The following LMO7 variants were observed in gnomAD, a reference collection of about 807,000 sequenced individuals.
LMO7 encodes the protein LIM domain 7, also known as LIM domain only protein 7.
Under a neutral mutation model 206.5 loss-of-function variants are expected in LMO7, and 120 were observed. That is an observed-to-expected ratio of 0.58 (90% confidence interval 0.50 to 0.68). The LOEUF is 0.68. LMO7 is among the 30% of genes least tolerant of loss of function. LMO7 has a pLI of 0.00. For synonymous variants in LMO7, 706 were observed against 681.5 expected (o/e 1.04, Z -0.56); for missense variants, 1,959 against 1,957.9 (o/e 1.00, Z -0.01).
chr13:75,751,072 G>A (rs182255668), intron 3 of LMO7, among the ~76,000 whole-genome samples: 2 of 151,144 alleles, frequency 1.3e-5, no homozygotes, highest in East Asian at 3.9e-4. Flanking sequence ...TAAATAGAAA[G>A]GAGTCGAGGT....
chr13:75,634,391 T>C (rs1226739176), upstream of LMO7, among the ~76,000 whole-genome samples: 2 of 151,448 alleles, frequency 1.3e-5, no homozygotes, highest in Non-Finnish European at 2.9e-5. Context: ...GGAGCTATGA[T>C]GGCGCAACTG....
At position 75,809,170 on chromosome 13, in the gene LMO7, T is replaced by A; in HGVS notation, c.1933T>A (p.Tyr645Asn). The change falls in exon 11 of 31, where the codon TAT becomes AAT. Residue 645 changes from tyrosine (Y) to asparagine (N), a missense_variant. Physicochemically the swap from Tyr to Asn is moderately radical, Grantham distance 143 (BLOSUM62 -2). Coordinates refer to ENST00000377534, the MANE Select transcript of LMO7 (RefSeq NM_001306080.2). ...LMVERLFQKI[Y>N]GENGSKSMSD... ...GTTTCTTAGACTCTTTCAAAAGATT[T>A]ATGGTGAGAATGGGTAAGTTGTGTG... is the stretch of plus-strand genomic sequence containing the variant. The A allele has an allele frequency of 6.2e-7, 1 of 1,612,694 alleles. No homozygotes were observed. The highest frequency in any genetic ancestry group is 8.5e-7 in the Non-Finnish European group (1 of 1,178,942).
chr13:75,710,127 C>A (rs1463133778), intron 1 of LMO7, among the ~76,000 whole-genome samples: 1 of 152,092 alleles, frequency 6.6e-6, no homozygotes, highest in East Asian at 1.9e-4. Context: ...GGCATTATTT[C>A]TGAGGGCTCT....
Position 75,838,176 on chromosome 13 carries a change from G to T in LMO7, c.3431G>T (p.Arg1144Leu). The T allele has an allele frequency of 6.2e-7, 1 of 1,606,664 alleles. No homozygotes were observed. The highest frequency in any genetic ancestry group is 8.5e-7 in the Non-Finnish European group (1 of 1,173,888). The change falls in exon 20 of 31, where the codon CGA becomes CTA. Residue 1144 changes from arginine (R) to leucine (L), a missense_variant. Arg to Leu is a moderately radical substitution (Grantham distance 102). Transcript: ENST00000377534. ...ESISLKNLKRRSQFFEQGSSD... is the reference protein window; with the variant it reads ...ESISLKNLKRLSQFFEQGSSD... The stretch of plus-strand genomic sequence containing the variant: ...ATTTCTTTGAAAAACTTAAAAAGGC[G>T]ATCACAATTTTTTGAACAAGGTAAA...
chr13:75,838,414 T>A (rs1348326211), intron 20 of LMO7: 3 of 1,275,824 alleles, frequency 2.4e-6, no homozygotes, highest in Non-Finnish European at 1.1e-6. Context: ...GTGTCCTTTG[T>A]ATACCTCTAA....
intron 4 of LMO7, among the ~76,000 whole-genome samples, chr13:75,771,906 C>CAGGATTTCCCAG (rs6145128): frequency 2.0e-5 from 3 of 151,980 alleles, no homozygotes; most frequent in Non-Finnish European, 2.9e-5. Context: ...ACTTCAGTAG[C>CAGGATTTCCCAG]AATCCTGCTA....
intron 1 of LMO7, among the ~76,000 whole-genome samples, chr13:75,703,802 AC>A (rs2042457937): frequency 6.6e-6 from 1 of 152,120 alleles, no homozygotes; most frequent in African/African-American, 2.4e-5. Flanking sequence ...GGCTTCTCTG[AC>A]ATCATGAATG....
intron 2 of LMO7, among the ~76,000 whole-genome samples, chr13:75,718,312 T>C (rs1182957694): frequency 6.6e-6 from 1 of 152,204 alleles, no homozygotes; most frequent in Non-Finnish European, 1.5e-5. Context: ...TTTTTAATAT[T>C]GTGGCCTTAA....
At position 75,847,166 on chromosome 13, in the gene LMO7, A is replaced by G. The variant is rs534091416; in HGVS notation, c.4150+1787A>G. On this transcript the variant is annotated intron_variant, in intron 26 of 30. Transcript: ENST00000377534. ...TGCTTAGTGGAAGATGAACCAAGGC[A>G]TAGACAAACAATAAATTTTGAAAGA... 7.9e-5 allele frequency among the ~76,000 whole-genome samples: 12 copies of G among 152,338 alleles called. No individual in the cohort carries two copies. The South Asian group carries it at 2.5e-3, about 32-fold the overall frequency.
rs2057823973 is a variant in LMO7 at position 75,823,687 on chromosome 13, G to A, written c.2763G>A (p.Gln921=). The part of the protein sequence containing the change: ...ASQLASSLSS[Q]KEVAATEEDV... Reference sequence around the variant, plus strand: ...AACTGGCTTCAAGCTTATCTAGCCAGAAAGAGGTAGCAGCAACAGAAGAAG... The same window carrying A: ...AACTGGCTTCAAGCTTATCTAGCCAAAAAGAGGTAGCAGCAACAGAAGAAG... Residue 921 remains glutamine (Q), a synonymous_variant, in exon 15 of 31, where the codon CAG becomes CAA. Coordinates refer to ENST00000377534, the MANE Select transcript of LMO7 (RefSeq NM_001306080.2). 1 of 1,614,180 alleles carries A rather than the reference G, an allele frequency of 6.2e-7. No individual in the cohort carries two copies.
At position 75,855,240 on chromosome 13, in the gene LMO7, C is replaced by T. The variant is rs779406145; in HGVS notation, c.4662-20C>T. ...GCTGCCCAGGTGAAAGCCTCCATTCCATTCTTGTTCTGCATCTAGGTCAGT... is the reference window on the plus strand; with the variant it reads ...GCTGCCCAGGTGAAAGCCTCCATTCTATTCTTGTTCTGCATCTAGGTCAGT... On this transcript the variant is annotated intron_variant, in intron 28 of 30. Transcript: ENST00000377534. The T allele has an allele frequency of 6.6e-7, 1 of 1,514,286 alleles. No individual in the cohort carries two copies. Among genetic ancestry groups the T allele is most frequent in the Admixed American group, 1.7e-5 (1 of 59,262 alleles). 93.8% of individuals were successfully genotyped at this position (1,514,286 alleles called of 1,614,324 possible).
At chr13:75,714,411 G>A (rs1488499909) in intron 2 of LMO7, among the ~76,000 whole-genome samples, 1 of 152,172 alleles carries the variant, frequency 6.6e-6, no homozygotes, top group Non-Finnish European at 1.5e-5. Flanking sequence ...TGATGGGCAT[G>A]TAAATAACAG....
intron 25 of LMO7, 87 bp downstream of exon 25, chr13:75,843,003 C>A (rs1176796929): frequency 4.7e-6 from 4 of 843,996 alleles, no homozygotes; most frequent in Non-Finnish European, 8.0e-6. Flanking sequence ...TGTAGAACTA[C>A]TTTAGCCCTT....
chr13:75,668,141 C>G (rs9573608), intron 1 of LMO7, among the ~76,000 whole-genome samples: 35,308 of 152,100 alleles, frequency 0.23, 4,564 homozygotes, highest in Admixed American at 0.37. Flanking sequence ...ACTGGAGGTG[C>G]AGGCTGCAGT....
intron 26 of LMO7, among the ~76,000 whole-genome samples, chr13:75,847,020 ACT>A (rs1462593569): frequency 3.2e-4 from 41 of 129,376 alleles, no homozygotes; most frequent in African/African-American, 1.1e-3. Context: ...GACGGAGCAG[ACT>A]CTGTCTCAAA....
chr13:75,668,781 C>A (rs2039291753), intron 1 of LMO7, among the ~76,000 whole-genome samples: 1 of 152,040 alleles, frequency 6.6e-6, no homozygotes, highest in South Asian at 2.1e-4. Flanking sequence ...TATGAAGTGA[C>A]AAAGAGAGAT....
At chr13:75,806,367 AAACCT>A in intron 9 of LMO7, 1 of 430,626 alleles carries the variant, frequency 2.3e-6, no homozygotes, top group Non-Finnish European at 3.1e-6. Flanking sequence ...CTGAATCAGG[AAACCT>A]GACTCACTTA....
At chr13:75,848,558 A>G (rs2139503797) in intron 26 of LMO7, among the ~76,000 whole-genome samples, 1 of 152,046 alleles carries the variant, frequency 6.6e-6, no homozygotes, top group East Asian at 1.9e-4. Flanking sequence ...GCTGCTATAA[A>G]CATGAGTGAG....
intron 1 of LMO7, among the ~76,000 whole-genome samples, chr13:75,684,328 C>T (rs1284885109): frequency 2.0e-5 from 3 of 152,264 alleles, no homozygotes; most frequent in Non-Finnish European, 2.9e-5. Context: ...CTGCAACCTC[C>T]GCCTCCCAGG....
Sources: allele counts gnomAD v4.1 joint callset (sites outside exome capture counted in the v4.1 genomes callset), GRCh38; gene constraint gnomAD v4.1.1; transcripts MANE v1.5; gene names NCBI Gene and HGNC (gene_info 2026-07-23, HGNC 2026-07-21).